Variants in ZMYM2 observed in about 807,000 individuals in gnomAD.
The protein encoded by ZMYM2 is zinc finger MYM-type containing 2.
A neutral mutation model predicts 162.8 loss-of-function variants in ZMYM2; 56 were observed. The observed-to-expected ratio is 0.34, with a 90% confidence interval of 0.28 to 0.43. The LOEUF is 0.43. Ranked by LOEUF, ZMYM2 falls within the 20% of genes least tolerant of loss-of-function variation. ZMYM2 has a pLI of 1.00. For synonymous variants in ZMYM2, 510 were observed against 541.6 expected (o/e 0.94, Z 0.81); for missense variants, 1,275 against 1,621.8 (o/e 0.79, Z 3.67).
intron 12 of ZMYM2, among the ~76,000 whole-genome samples, chr13:20,038,684 T>C (rs1249974479): frequency 6.6e-6 from 1 of 152,184 alleles, no homozygotes; most frequent in African/African-American, 2.4e-5. Flanking sequence ...CCCTGTAGTA[T>C]AGTTTGAAGT....
chr13:19,959,742 C>T (rs1217167721), intron 1 of ZMYM2: 3 of 152,328 alleles, frequency 2.0e-5, no homozygotes, highest in Non-Finnish European at 4.4e-5. Flanking sequence ...CAGATTTTGC[C>T]TTTCACATGG....
At chr13:19,938,083 G>C in the ZMYM2 span, among the ~76,000 whole-genome samples, 1 of 152,076 alleles carries the variant, frequency 6.6e-6, no homozygotes, top group South Asian at 2.1e-4. Context: ...CCAAGTCTTT[G>C]CCATTGTGAA....
At chr13:19,954,126 A>ATTTTTGTTTTTTTTTTTTTTTTTTTTTT (rs1954471735), upstream of ZMYM2, among the ~76,000 whole-genome samples, 1 of 64,880 alleles carries the variant, frequency 1.5e-5, no homozygotes, top group Non-Finnish European at 3.0e-5. Flanking sequence ...GCTATGTTTA[A>ATTTTTGTTTTTTTTTTTTTTTTTTTTTT]TTTTTTTTTT....
chr13:19,924,798 T>C, the ZMYM2 span, among the ~76,000 whole-genome samples: 1 of 152,168 alleles, frequency 6.6e-6, no homozygotes. Context: ...CTGTGATAAC[T>C]GGGTTTCAAT....
chr13:19,903,444 C>A, the ZMYM2 span, among the ~76,000 whole-genome samples: 1 of 139,016 alleles, frequency 7.2e-6, no homozygotes, highest in African/African-American at 2.7e-5. Context: ...TCGAGACCAG[C>A]CTGGCCAACA....
intron 2 of ZMYM2, among the ~76,000 whole-genome samples, chr13:19,981,811 A>G (rs1221136021): frequency 6.7e-6 from 1 of 149,850 alleles, no homozygotes; most frequent in Non-Finnish European, 1.5e-5. Context: ...TATCTTTCAT[A>G]TCTTTACTCA....
intron 16 of ZMYM2, among the ~76,000 whole-genome samples, chr13:20,060,207 G>T (rs1168836687): frequency 1.3e-5 from 2 of 152,146 alleles, no homozygotes; most frequent in Non-Finnish European, 2.9e-5. Flanking sequence ...GTTTAATGAA[G>T]CTAATAAAAC....
At chr13:19,958,649 A>T (rs57842123), upstream of ZMYM2, 14 of 152,344 alleles carry the variant, frequency 9.2e-5, no homozygotes, top group African/African-American at 3.1e-4. Flanking sequence ...CGCTCCGGCC[A>T]GCCTTCCCCG....
the ZMYM2 span, among the ~76,000 whole-genome samples, chr13:19,876,866 C>A: frequency 7.2e-5 from 11 of 152,078 alleles, no homozygotes; most frequent in African/African-American, 2.4e-4. Flanking sequence ...GCTCAAGGTA[C>A]CTTATGTGTC....
intron 18 of ZMYM2, among the ~76,000 whole-genome samples, chr13:20,063,858 A>ATG (rs1351741846): frequency 6.9e-6 from 1 of 145,880 alleles, no homozygotes; most frequent in East Asian, 1.9e-4. Flanking sequence ...ATCATGATGT[A>ATG]TATAATATAT....
intron 3 of ZMYM2, among the ~76,000 whole-genome samples, chr13:19,994,789 G>T (rs907626168): frequency 6.6e-6 from 1 of 151,772 alleles, no homozygotes; most frequent in Non-Finnish European, 1.5e-5. Context: ...GCACCTGGCC[G>T]CATTTAGATT....
chr13:19,866,811 T>C, the ZMYM2 span, among the ~76,000 whole-genome samples: 1 of 151,994 alleles, frequency 6.6e-6, no homozygotes, highest in South Asian at 2.1e-4. Flanking sequence ...GGAGGATCAC[T>C]TGAGCCCAGG....
At chr13:20,051,825 G>A (rs1312860305) in intron 13 of ZMYM2, among the ~76,000 whole-genome samples, 3 of 152,118 alleles carry the variant, frequency 2.0e-5, no homozygotes, top group Admixed American at 2.0e-4. Flanking sequence ...AAAAGGCATA[G>A]TTGAGAGTGA....
At chr13:19,913,921 TG>T in the ZMYM2 span, among the ~76,000 whole-genome samples, 337 of 152,326 alleles carry the variant, frequency 2.2e-3, 1 homozygote, top group African/African-American at 8.0e-3. Context: ...AGACACCGCC[TG>T]GAAGTGAACA....
rs1185901900 is a variant in ZMYM2, at chr13:20,063,007, T to A, written c.3037+36T>A. 5.7e-6 allele frequency: 9 copies of A among 1,570,102 alleles called. No individual in the cohort carries two copies. In the East Asian group the frequency reaches 2.0e-4, roughly 36 times the overall value. ...CCTTTATGACTATGGAATTTAGTTA[T>A]GGAGTCAACTGTGGTTATGATCATT... On this transcript the variant is annotated intron_variant, in intron 18 of 24. Coordinates refer to ENST00000610343, the MANE Select transcript of ZMYM2 (RefSeq NM_197968.4).
the ZMYM2 span, among the ~76,000 whole-genome samples, chr13:19,885,864 T>TATATGTATATACACAC: frequency 2.7e-5 from 1 of 37,734 alleles, no homozygotes; most frequent in Non-Finnish European, 7.2e-5. Context: ...AAAAAAAAAA[T>TATATGTATATACACAC]ATATATATGT....
Position 19,993,299 on chromosome 13 carries a change from T to C in ZMYM2, c.227T>C (p.Val76Ala). The C allele has an allele frequency of 6.2e-7, 1 of 1,613,948 alleles. No homozygotes were observed. The highest frequency in any genetic ancestry group is 1.1e-5 in the South Asian group (1 of 91,078). ...CCTCCCCCACCTTCTGTACCAGTGG[T>C]AGCTGATCAAAGAACCATAACATTT... ...VQPPPPSVPVVADQRTITFTS... is the reference protein window; with the variant it reads ...VQPPPPSVPVAADQRTITFTS... Residue 76 changes from valine (V) to alanine (A), a missense_variant, in exon 3 of 25, where the codon GTA becomes GCA. Physicochemically the swap from Val to Ala is moderately conservative, Grantham distance 64. Around this residue, in one of 10 missense-constraint regions of ZMYM2, gnomAD observed 295 missense variants for 286.7 expected, o/e 1.03. Transcript: ENST00000610343.
intron 14 of ZMYM2, among the ~76,000 whole-genome samples, chr13:20,055,292 CT>C (rs1391476169): frequency 1.1e-4 from 16 of 152,290 alleles, no homozygotes; most frequent in East Asian, 9.6e-4. Flanking sequence ...TACTTAAGTG[CT>C]TTCACAGGCA....
the ZMYM2 span, among the ~76,000 whole-genome samples, chr13:19,911,838 A>T: frequency 2.0e-5 from 3 of 152,300 alleles, no homozygotes; most frequent in Non-Finnish European, 4.4e-5. Context: ...AAGCCACTAG[A>T]CCTGTCTCAA....
Sources: allele counts gnomAD v4.1 joint callset (sites outside exome capture counted in the v4.1 genomes callset), GRCh38; gene constraint gnomAD v4.1.1; regional missense constraint gnomAD v4.1.1; transcripts MANE v1.5; gene names NCBI Gene and HGNC (gene_info 2026-07-23, HGNC 2026-07-21).